ZBTB7C: variants seen among roughly 807,000 people sequenced by gnomAD.
ZBTB7C encodes the protein zinc finger and BTB domain containing 7C, also known as zinc finger and BTB domain-containing protein 7C.
A neutral mutation model predicts 25.7 loss-of-function variants in ZBTB7C; 8 were observed. That is an observed-to-expected ratio of 0.31 (90% confidence interval 0.18 to 0.56). The LOEUF is 0.56. ZBTB7C is among the 20% of genes least tolerant of loss of function. The pLI, the probability that ZBTB7C is intolerant of heterozygous loss-of-function variation, is 0.91. For missense variants in ZBTB7C, 824 were observed against 855.2 expected, an observed-to-expected ratio of 0.96 and a Z score of 0.46; for synonymous variants, 394 against 369.0, an observed-to-expected ratio of 1.07 and a Z score of -0.78.
At chr18:48,271,679 G>C (rs1312769975) in intron 2 of ZBTB7C, among the ~76,000 whole-genome samples, 1 of 151,502 alleles carries the variant, frequency 6.6e-6, no homozygotes, top group African/African-American at 2.4e-5. Flanking sequence ...CAGAAAATGT[G>C]TTAATACAAT....
intron 3 of ZBTB7C, among the ~76,000 whole-genome samples, chr18:48,095,879 C>T (rs1395865296): frequency 6.6e-6 from 1 of 152,126 alleles, no homozygotes; most frequent in African/African-American, 2.4e-5. Flanking sequence ...AATCCCCTGG[C>T]TTGTGAACTG....
At chr18:48,392,898 C>T (rs1336214914) in intron 1 of ZBTB7C, among the ~76,000 whole-genome samples, 2 of 152,134 alleles carry the variant, frequency 1.3e-5, no homozygotes, top group Non-Finnish European at 2.9e-5. Context: ...TGGGAGACCG[C>T]GATCCAGTCT....
At chr18:48,238,854 A>T (rs1437577139) in intron 2 of ZBTB7C, among the ~76,000 whole-genome samples, 2 of 152,302 alleles carry the variant, frequency 1.3e-5, no homozygotes, top group Non-Finnish European at 2.9e-5. Context: ...TGGGGCCTGA[A>T]AGCCCTTCCT....
chr18:48,114,383 T>C (rs6507810), intron 3 of ZBTB7C, among the ~76,000 whole-genome samples: 62,833 of 151,828 alleles, frequency 0.41, 13,425 homozygotes, highest in Middle Eastern at 0.51. Flanking sequence ...GGGTGGATCA[T>C]TTGAGATCAG....
chr18:48,378,466 G>A (rs111899709), intron 1 of ZBTB7C, among the ~76,000 whole-genome samples: 1,951 of 152,262 alleles, frequency 0.013, 23 homozygotes, highest in Middle Eastern at 0.054. Flanking sequence ...ACCCAGCTAA[G>A]AAGAAAGACT....
chr18:48,222,168 T>C (rs1198235172), intron 2 of ZBTB7C, among the ~76,000 whole-genome samples: 4 of 152,136 alleles, frequency 2.6e-5, no homozygotes. Context: ...CCATCTATCC[T>C]GTCCCTGGTG....
In ZBTB7C at chr18:48,040,500, G is replaced by A; in HGVS notation, c.608C>T (p.Thr203Ile). 1 of 1,613,440 alleles carries A rather than the reference G, an allele frequency of 6.2e-7. No individual in the cohort carries two copies. Among genetic ancestry groups the A allele is most frequent in the Non-Finnish European group, 8.5e-7 (1 of 1,179,656 alleles). The change falls in exon 4 of 5, where the codon ACC (threonine) becomes ATC (isoleucine). Residue 203 changes from threonine (T) to isoleucine (I), a missense_variant. This residue lies in a region of ZBTB7C where 316 missense variants were observed against 299.2 expected (regional missense o/e 1.06). Transcript: ENST00000590800. ...GAAGGAGTCAGGGAAGTCCCTGGGGGTGTCTGAATAGGCCTTCTCTGTGAG... is the reference window on the plus strand; with the variant it reads ...GAAGGAGTCAGGGAAGTCCCTGGGGATGTCTGAATAGGCCTTCTCTGTGAG... ...DHLTEKAYSD[T>I]PRDFPDSFQA...
intron 2 of ZBTB7C, among the ~76,000 whole-genome samples, chr18:48,247,928 T>A (rs957618917): frequency 6.6e-6 from 1 of 152,212 alleles, no homozygotes; most frequent in Admixed American, 6.5e-5. Flanking sequence ...ACAATCTCCA[T>A]GTGTCAACGG....
chr18:48,090,141 T>C (rs1034599817), intron 3 of ZBTB7C, among the ~76,000 whole-genome samples: 1 of 152,190 alleles, frequency 6.6e-6, no homozygotes, highest in African/African-American at 2.4e-5. Context: ...AGACAGCATG[T>C]GGTTTTTCCT....
At chr18:48,127,379 A>G (rs1307269123) in intron 3 of ZBTB7C, among the ~76,000 whole-genome samples, 1 of 152,192 alleles carries the variant, frequency 6.6e-6, no homozygotes, top group Admixed American at 6.5e-5. Context: ...TGTACCACTC[A>G]GCTGAATGTC....
At chr18:48,408,953 T>G in intron 1 of ZBTB7C, among the ~76,000 whole-genome samples, 1 of 142,064 alleles carries the variant, frequency 7.0e-6, no homozygotes, top group Admixed American at 6.9e-5. Context: ...GCCTCCTCCG[T>G]TGCATGGCTG....
At chr18:48,235,655 G>C (rs1054913845) in intron 2 of ZBTB7C, among the ~76,000 whole-genome samples, 1 of 151,942 alleles carries the variant, frequency 6.6e-6, no homozygotes, top group Non-Finnish European at 1.5e-5. Context: ...CTCTCCTTTA[G>C]TGTGAACTCT....
intron 3 of ZBTB7C, among the ~76,000 whole-genome samples, chr18:48,099,241 C>T (rs1225165135): frequency 6.6e-6 from 1 of 152,190 alleles, no homozygotes; most frequent in Non-Finnish European, 1.5e-5. Context: ...TGGTAAATAA[C>T]ACCACTCTGA....
chr18:48,246,788 A>AC (rs965001736), intron 2 of ZBTB7C, among the ~76,000 whole-genome samples: 57 of 151,666 alleles, frequency 3.8e-4, no homozygotes, highest in African/African-American at 1.3e-3. Flanking sequence ...GTGCTTTGAC[A>AC]CCCCCCATCC....
chr18:48,136,336 C>G (rs1483520329), intron 3 of ZBTB7C, among the ~76,000 whole-genome samples: 1 of 152,196 alleles, frequency 6.6e-6, no homozygotes, highest in Admixed American at 6.5e-5. Context: ...CCACTCACCC[C>G]CAGGTTGGAG....
chr18:48,108,099 GA>G (rs1410290564), intron 3 of ZBTB7C, among the ~76,000 whole-genome samples: 1 of 152,184 alleles, frequency 6.6e-6, no homozygotes, highest in Non-Finnish European at 1.5e-5. Context: ...AGAACCAGGA[GA>G]GGGGAGATTC....
chr18:48,371,850 C>G (rs1474901076), intron 1 of ZBTB7C, among the ~76,000 whole-genome samples: 2 of 152,186 alleles, frequency 1.3e-5, no homozygotes, highest in Non-Finnish European at 2.9e-5. Flanking sequence ...CACTGTTTCC[C>G]AGAAAGGTTT....
At chr18:48,215,336 AGACACAGCCCAT>A (rs2042797792) in intron 2 of ZBTB7C, among the ~76,000 whole-genome samples, 1 of 152,232 alleles carries the variant, frequency 6.6e-6, no homozygotes. Flanking sequence ...CCAAATGGGA[AGACACAGCCCAT>A]GACACAGCCT....
At chr18:48,057,639 T>G (rs1396041616) in intron 3 of ZBTB7C, among the ~76,000 whole-genome samples, 5 of 152,210 alleles carry the variant, frequency 3.3e-5, no homozygotes, top group African/African-American at 1.2e-4. Flanking sequence ...CTTAAAGCCA[T>G]TATTATTAAA....
Sources: allele counts gnomAD v4.1 joint callset (sites outside exome capture counted in the v4.1 genomes callset), GRCh38; gene constraint gnomAD v4.1.1; regional missense constraint gnomAD v4.1.1; transcripts MANE v1.5; gene names NCBI Gene and HGNC (gene_info 2026-07-23, HGNC 2026-07-21).